The following MELK variants were observed in gnomAD, a reference collection of about 807,000 sequenced individuals.
MELK encodes the protein maternal embryonic leucine zipper kinase.
In MELK, 81 loss-of-function variants were observed where a neutral mutation model predicts 85.0. That is an observed-to-expected ratio of 0.95 (90% CI 0.80 to 1.15). The LOEUF (loss-of-function observed/expected upper bound fraction) is 1.15, where lower values mean the gene tolerates loss of function less well. Among genes scored for constraint, MELK ranks in the 50% most tolerant of loss-of-function variants. The pLI, the probability that MELK is intolerant of heterozygous loss-of-function variation, is 0.00. For synonymous variants in MELK, 252 were observed against 265.0 expected (o/e 0.95, Z 0.48); for missense variants, 754 against 777.5 (o/e 0.97, Z 0.36).
At chr9:36,615,112 G>C (rs1468128568) in intron 8 of MELK, among the ~76,000 whole-genome samples, 2 of 146,292 alleles carry the variant, frequency 1.4e-5, no homozygotes, top group Non-Finnish European at 3.0e-5. Context: ...GGCTGGCCGG[G>C]CAGAGGGGCT....
chr9:36,665,795 C>A (rs78799069), intron 14 of MELK, among the ~76,000 whole-genome samples: 1 of 152,070 alleles, frequency 6.6e-6, no homozygotes, highest in Non-Finnish European at 1.5e-5. Context: ...CTCTTTTTCA[C>A]GTTTATAAAA....
At chr9:36,590,784 A>C (rs1486744025) in intron 4 of MELK, among the ~76,000 whole-genome samples, 1 of 152,204 alleles carries the variant, frequency 6.6e-6, no homozygotes, top group Non-Finnish European at 1.5e-5. Context: ...GCATATTTTA[A>C]AAATCATAAT....
Position 36,607,657 on chromosome 9 carries a change from T to C in MELK, c.650T>C (p.Leu217Ser). The C allele has an allele frequency of 1.2e-6, 2 of 1,602,348 alleles. No homozygotes were observed. Among genetic ancestry groups the C allele is most frequent in the Non-Finnish European group, 1.7e-6 (2 of 1,169,314 alleles). ...TTTGATGATGATAATGTAATGGCTT[T>C]ATACAAGAAGATTATGGTGAGTATT... is the stretch of plus-strand genomic sequence containing the variant. ...LPFDDDNVMA[L>S]YKKIMRGKYD... The change falls in exon 8 of 18, where the codon TTA becomes TCA. Residue 217 changes from leucine (L) to serine (S), a missense_variant. Physicochemically the swap from Leu to Ser is moderately radical, Grantham distance 145. Coordinates refer to ENST00000298048, the MANE Select transcript of MELK (RefSeq NM_014791.4).
intron 9 of MELK, among the ~76,000 whole-genome samples, chr9:36,631,509 A>AC (rs1168717438): frequency 6.7e-6 from 1 of 150,012 alleles, no homozygotes; most frequent in Non-Finnish European, 1.5e-5. Context: ...CAGGTGATCC[A>AC]CCCGCCTTGG....
chr9:36,636,097 T>C (rs879567716), intron 10 of MELK, among the ~76,000 whole-genome samples: 4 of 152,100 alleles, frequency 2.6e-5, no homozygotes, highest in Admixed American at 2.6e-4. Context: ...TTAAAAATGC[T>C]TTTTTTCAAA....
chr9:36,619,496 A>G (rs777445073), intron 8 of MELK, among the ~76,000 whole-genome samples: 2 of 152,260 alleles, frequency 1.3e-5, no homozygotes, highest in Non-Finnish European at 1.5e-5. Flanking sequence ...ATACTATGCC[A>G]TAAAGGATAA....
chr9:36,651,972 C>T, intron 12 of MELK, 95 bp downstream of exon 12: 1 of 1,178,620 alleles, frequency 8.5e-7, no homozygotes, highest in Non-Finnish European at 1.1e-6. Context: ...GTCAAGGAGT[C>T]AGAGGCAAGA....
chr9:36,629,023 T>G (rs962524960), intron 8 of MELK, among the ~76,000 whole-genome samples: 8 of 151,816 alleles, frequency 5.3e-5, no homozygotes, highest in African/African-American at 9.7e-5. Context: ...CCCGCCACCA[T>G]GCCCAGCTAA....
At chr9:36,647,996 G>A (rs1243094457) in intron 11 of MELK, among the ~76,000 whole-genome samples, 2 of 152,068 alleles carry the variant, frequency 1.3e-5, no homozygotes. Flanking sequence ...TGACTTTTGA[G>A]TCATGTACTT....
rs748213064 is a variant in MELK at position 36,674,803 on chromosome 9, T to C, written c.1675-31T>C. ...TGGTCTTTGTGTTGATGTAAAAATT[T>C]ACTTCTCATCTCTTCTTTTTCTTTT... is the stretch of plus-strand genomic sequence containing the variant. On this transcript the variant is annotated intron_variant, in intron 16 of 17. Transcript: ENST00000298048. The C allele has an allele frequency of 2.9e-6, 4 of 1,361,108 alleles. No individual in the cohort carries two copies. The African/African-American group carries it at 5.7e-5, about 19-fold the overall frequency. The allele number at this position is 1,361,108 out of a possible 1,614,324, so 84.3% of individuals were successfully genotyped here. A position where few individuals can be genotyped will look rare whatever the true frequency, so the allele number is the denominator to read the frequency against.
intron 10 of MELK, among the ~76,000 whole-genome samples, chr9:36,641,352 C>T (rs1829734437): frequency 6.6e-6 from 1 of 152,136 alleles, no homozygotes; most frequent in Admixed American, 6.6e-5. Flanking sequence ...GAAACTGAGA[C>T]TCAGAGGTGT....
chr9:36,642,392 T>C (rs898101440), intron 10 of MELK, among the ~76,000 whole-genome samples: 3 of 150,048 alleles, frequency 2.0e-5, no homozygotes, highest in African/African-American at 7.4e-5. Context: ...AAGGGGAGTA[T>C]ACAGTCCCTG....
intron 8 of MELK, among the ~76,000 whole-genome samples, chr9:36,613,424 A>G (rs1250274125): frequency 6.6e-6 from 1 of 152,264 alleles, no homozygotes. Flanking sequence ...AATAAAACAG[A>G]TGAAAGATCC....
intron 8 of MELK, among the ~76,000 whole-genome samples, chr9:36,615,288 G>A (rs1826536357): frequency 7.9e-6 from 1 of 127,380 alleles, no homozygotes; most frequent in Non-Finnish European, 1.6e-5. Context: ...GGCTGGCCAG[G>A]CGGGGGGCTG....
intron 3 of MELK, among the ~76,000 whole-genome samples, chr9:36,588,672 C>A (rs933419902): frequency 6.6e-6 from 1 of 152,152 alleles, no homozygotes; most frequent in Non-Finnish European, 1.5e-5. Flanking sequence ...ATCCACTGCG[C>A]CCTGCCTCAG....
chr9:36,599,300 C>CAA lies in MELK; in HGVS notation c.475-71_475-70dup, dbSNP rs34715003. 3,122 of 378,118 alleles carry CAA rather than the reference C, an allele frequency of 8.3e-3. 33 individuals are homozygous for CAA. The highest frequency in any genetic ancestry group is 0.03 in the African/African-American group (979 of 32,860). The allele number at this position is 378,118 out of a possible 1,614,324, so 23.4% of individuals were successfully genotyped here. On this transcript the variant is annotated intron_variant, in intron 6 of 17. Coordinates refer to ENST00000298048, the MANE Select transcript of MELK (RefSeq NM_014791.4). Reference sequence around the variant, plus strand: ...TGGGTGACAGAGTGAGACTCCGTCTCAAAAAAAAAAAAAAAAAAAAAAAAG... The same window carrying CAA: ...TGGGTGACAGAGTGAGACTCCGTCTCAAAAAAAAAAAAAAAAAAAAAAAAAAG...
chr9:36,631,731 C>T (rs1285767959), intron 9 of MELK, among the ~76,000 whole-genome samples: 3 of 152,164 alleles, frequency 2.0e-5, no homozygotes, highest in South Asian at 4.1e-4. Context: ...TACACCACCA[C>T]ACCTGACTAA....
intron 13 of MELK, among the ~76,000 whole-genome samples, chr9:36,664,443 A>G (rs1042856561): frequency 2.6e-5 from 4 of 152,158 alleles, no homozygotes; most frequent in African/African-American, 9.7e-5. Context: ...GCGTGCTTCT[A>G]CCAGGTTCCT....
At chr9:36,595,919 G>T (rs1034247607) in intron 5 of MELK, among the ~76,000 whole-genome samples, 6 of 152,050 alleles carry the variant, frequency 3.9e-5, no homozygotes, top group African/African-American at 1.4e-4. Flanking sequence ...AGGTTAAGGT[G>T]ATCCTCTTGC....
Sources: gnomAD v4.1 joint callset for allele counts (sites outside exome capture counted in the v4.1 genomes callset) on GRCh38, gnomAD v4.1.1 for gene constraint, MANE v1.5 for transcripts, NCBI Gene and HGNC (gene_info 2026-07-23, HGNC 2026-07-21) for gene names.